CFAP251: variants seen among roughly 807,000 people sequenced by gnomAD.
The protein encoded by CFAP251 is cilia and flagella associated protein 251, also known as cilia- and flagella-associated protein 251.
Under a neutral mutation model 126.7 loss-of-function variants are expected in CFAP251, and 93 were observed. The observed-to-expected ratio is 0.73, with a 90% CI of 0.62 to 0.87. The LOEUF (loss-of-function observed/expected upper bound fraction) is 0.87, where lower values mean the gene tolerates loss of function less well. Among genes scored for constraint, CFAP251 ranks in the 40% least tolerant of loss-of-function variants. The probability of loss-of-function intolerance (pLI) is 0.00; values close to 1 mark genes in which losing one functional copy is unlikely to be tolerated. For synonymous variants in CFAP251, 503 were observed against 506.9 expected (o/e 0.99, Z 0.10); for missense variants, 1,287 against 1,389.2 (o/e 0.93, Z 1.17).
chr12:121,951,357 A>G (rs143352086), intron 8 of CFAP251, 123 bp from the exon 9 acceptor site: 35 of 536,270 alleles, frequency 6.5e-5, no homozygotes, highest in Middle Eastern at 3.3e-4. Flanking sequence ...AAGTTCTCTT[A>G]CCTGTAGAAA....
At chr12:121,927,464 A>C (rs986006506) in intron 3 of CFAP251, among the ~76,000 whole-genome samples, 6 of 151,946 alleles carry the variant, frequency 3.9e-5, no homozygotes, top group Non-Finnish European at 7.4e-5. Flanking sequence ...TACCCAGCTA[A>C]CTTTTGTATT....
At chr12:121,931,915 G>A (rs1880709346) in intron 4 of CFAP251, 29 bp downstream of exon 4, 2 of 1,486,940 alleles carry the variant, frequency 1.3e-6, no homozygotes, top group African/African-American at 2.9e-5. Context: ...CCTACAGGTG[G>A]GGGAGTTGTC....
intron 19 of CFAP251, among the ~76,000 whole-genome samples, chr12:121,994,981 T>A (rs1350176338): frequency 6.6e-6 from 1 of 151,586 alleles, no homozygotes; most frequent in Non-Finnish European, 1.5e-5. Flanking sequence ...AAAAAAATAA[T>A]AATCACAAGA....
chr12:121,980,878 G>T (rs768612933), intron 19 of CFAP251, among the ~76,000 whole-genome samples: 32 of 152,230 alleles, frequency 2.1e-4, no homozygotes, highest in Non-Finnish European at 4.3e-4. Context: ...TGGCCTGGCT[G>T]CAGTTCCCAG....
rs748194007 is a variant in CFAP251, at chr12:121,968,093, G to A, written c.2695G>A (p.Val899Ile). The change falls in exon 17 of 22, where the codon GTT becomes ATT. Residue 899 changes from valine (V) to isoleucine (I), a missense_variant. Physicochemically the swap from Val to Ile is conservative, Grantham distance 29. Coordinates refer to ENST00000288912, the MANE Select transcript of CFAP251 (RefSeq NM_144668.6). ...CCCGAACGGGGTGGCCGGCATGGCC[G>A]TTTCCTATGATGGCTGCTACGCCTT... ...CHPNGVAGMAVSYDGCYAFTA... is the reference protein window; with the variant it reads ...CHPNGVAGMAISYDGCYAFTA... The A allele has an allele frequency of 1.6e-5, 26 of 1,613,764 alleles. No homozygotes were observed. The highest frequency in any genetic ancestry group is 3.3e-4 in the Middle Eastern group (2 of 6,062).
rs556070803 is a variant in CFAP251 at position 121,920,579 on chromosome 12, G to T, written c.-20-707G>T. Among the ~76,000 whole-genome samples the T allele has an allele frequency of 6.6e-5, 10 of 152,044 alleles. No homozygotes were observed. The East Asian group carries it at 2.0e-3, about 30-fold the overall frequency. On this transcript the variant is annotated intron_variant, in intron 1 of 21. Coordinates refer to ENST00000288912, the MANE Select transcript of CFAP251 (RefSeq NM_144668.6). ...GCCCGGCTAATTTTTTGTATTTTTA[G>T]TAGAGACGGGGTTTCACCGTGTTAG...
At chr12:121,995,639 C>T (rs1222880093) in intron 19 of CFAP251, among the ~76,000 whole-genome samples, 2 of 152,036 alleles carry the variant, frequency 1.3e-5, no homozygotes, top group Non-Finnish European at 2.9e-5. Flanking sequence ...GTAGCTAGGA[C>T]TGCCACCACA....
At chr12:121,924,390 C>T (rs1251862596) in intron 3 of CFAP251, among the ~76,000 whole-genome samples, 1 of 149,394 alleles carries the variant, frequency 6.7e-6, no homozygotes, top group Non-Finnish European at 1.5e-5. Flanking sequence ...GCTGGGATTA[C>T]AGGCGTGAGC....
intron 19 of CFAP251, among the ~76,000 whole-genome samples, chr12:121,990,122 A>G (rs1882843306): frequency 6.6e-6 from 1 of 152,204 alleles, no homozygotes; most frequent in Admixed American, 6.5e-5. Flanking sequence ...ATAAATAAAT[A>G]TTCCCCCTTG....
rs1369293731 is a variant in CFAP251 at position 122,003,903 on chromosome 12, T to G, written c.*139T>G. ...GAACATTTAGACATTAAAGCAAGTT[T>G]CTGGTGAGCAATGGAATTCACAAAG... On this transcript the variant is annotated 3_prime_UTR_variant, in exon 22 of 22. Coordinates refer to ENST00000288912, the MANE Select transcript of CFAP251 (RefSeq NM_144668.6). The G allele has an allele frequency of 1.7e-6, 1 of 596,884 alleles. No individual in the cohort carries two copies. Among genetic ancestry groups the G allele is most frequent in the African/African-American group, 2.0e-5 (1 of 50,598 alleles). 37.0% of individuals were successfully genotyped at this position (596,884 alleles called of 1,614,324 possible). A position where few individuals can be genotyped will look rare whatever the true frequency, so the allele number is the denominator to read the frequency against.
At chr12:121,977,121 T>C (rs1050105730) in intron 19 of CFAP251, among the ~76,000 whole-genome samples, 3 of 152,234 alleles carry the variant, frequency 2.0e-5, no homozygotes, top group Non-Finnish European at 1.5e-5. Flanking sequence ...CAGAGCCTAC[T>C]ACACGCCTGG....
intron 17 of CFAP251, among the ~76,000 whole-genome samples, chr12:121,973,730 A>G (rs1273228763): frequency 2.0e-5 from 3 of 152,196 alleles, no homozygotes; most frequent in Non-Finnish European, 4.4e-5. Context: ...TCAGACTTGC[A>G]TGAGGCCTGT....
intron 19 of CFAP251, among the ~76,000 whole-genome samples, chr12:121,984,566 A>G (rs1018808592): frequency 9.2e-5 from 14 of 152,174 alleles, no homozygotes; most frequent in African/African-American, 3.4e-4. Flanking sequence ...TTGGCCTCCC[A>G]AAGTGCTGGG....
chr12:121,991,254 G>A (rs1019588924), intron 19 of CFAP251, among the ~76,000 whole-genome samples: 19 of 152,210 alleles, frequency 1.2e-4, no homozygotes, highest in African/African-American at 4.1e-4. Flanking sequence ...CTAAGCTGCC[G>A]GGGAAATAGA....
At chr12:121,969,567 C>A (rs892742160) in intron 17 of CFAP251, 10 of 873,432 alleles carry the variant, frequency 1.1e-5, no homozygotes, top group African/African-American at 1.8e-5. Flanking sequence ...CTCACTGCAG[C>A]CTCGAACTCC....
At chr12:121,955,285 C>T (rs1881688053) in intron 10 of CFAP251, among the ~76,000 whole-genome samples, 1 of 152,132 alleles carries the variant, frequency 6.6e-6, no homozygotes, top group African/African-American at 2.4e-5. Context: ...CAGAGTGAGA[C>T]TCGGTCTCAA....
chr12:121,971,294 G>T (rs1228915361), intron 17 of CFAP251, among the ~76,000 whole-genome samples: 5 of 152,144 alleles, frequency 3.3e-5, no homozygotes, highest in Admixed American at 3.3e-4. Flanking sequence ...AGGGGCCCTT[G>T]CTGGAGGGTC....
Position 121,923,494 on chromosome 12 carries a change from CT to C in CFAP251, c.379-124del. ...TTTTAAGTACAAAATGTTCCAGCCT[CT>C]TTTAAAAAACATTTCATAATTCCTA... On this transcript the variant is annotated intron_variant, in intron 2 of 21. Transcript: ENST00000288912. 2.3e-6 allele frequency: 3 copies of C among 1,278,302 alleles called. No homozygotes were observed. In the South Asian group the frequency reaches 4.5e-5, roughly 19 times the overall value. 79.2% of individuals were successfully genotyped at this position (1,278,302 alleles called of 1,614,324 possible).
At chr12:121,948,000 C>A (rs1881381680) in intron 7 of CFAP251, 1 of 152,192 alleles carries the variant, frequency 6.6e-6, no homozygotes, top group Non-Finnish European at 1.5e-5. Flanking sequence ...TTTTTTCCAG[C>A]CTGTCCCTCA....
Sources: allele counts gnomAD v4.1 joint callset (sites outside exome capture counted in the v4.1 genomes callset), GRCh38; gene constraint gnomAD v4.1.1; transcripts MANE v1.5; gene names NCBI Gene and HGNC (gene_info 2026-07-23, HGNC 2026-07-21).